Variants in CNIH3 observed in about 807,000 individuals in gnomAD.
The protein encoded by CNIH3 is protein cornichon homolog 3.
CNIH3 carries 14 observed loss-of-function variants against 24.1 expected under a neutral mutation model. The ratio of observed to expected loss-of-function variants is 0.58; its 90% CI spans 0.38 to 0.91. The LOEUF (loss-of-function observed/expected upper bound fraction) is 0.91. CNIH3 is among the 40% of genes least tolerant of loss of function. The probability of loss-of-function intolerance (pLI) is 0.00; values close to 1 mark genes in which losing one functional copy is unlikely to be tolerated. For synonymous variants in CNIH3, 68 were observed against 73.8 expected (o/e 0.92, Z 0.40); for missense variants, 178 against 196.8 (o/e 0.90, Z 0.57).
intron 1 of CNIH3, among the ~76,000 whole-genome samples, chr1:224,478,967 A>C (rs1450507800): frequency 6.6e-6 from 1 of 151,940 alleles, no homozygotes; most frequent in African/African-American, 2.4e-5. Context: ...CATGGGAAAG[A>C]CCTGCCCGCA....
At chr1:224,473,481 A>T (rs888142802) in intron 1 of CNIH3, among the ~76,000 whole-genome samples, 7 of 152,224 alleles carry the variant, frequency 4.6e-5, no homozygotes, top group Non-Finnish European at 1.0e-4. Flanking sequence ...ATGGGAACCT[A>T]AAAAGAGCAA....
intron 1 of CNIH3, among the ~76,000 whole-genome samples, chr1:224,628,254 T>G (rs1683640324): frequency 6.6e-6 from 1 of 152,176 alleles, no homozygotes; most frequent in Non-Finnish European, 1.5e-5. Flanking sequence ...TCTGGCTCCC[T>G]TAACTTAAAA....
At chr1:224,565,773 A>G (rs1375267386) in intron 3 of CNIH3, 2 of 152,296 alleles carry the variant, frequency 1.3e-5, no homozygotes, top group Admixed American at 1.3e-4. Flanking sequence ...TACACCACAT[A>G]TTGCCAACTT....
At chr1:224,583,679 T>C (rs1230232623) in intron 5 of CNIH3, among the ~76,000 whole-genome samples, 1 of 152,114 alleles carries the variant, frequency 6.6e-6, no homozygotes, top group Non-Finnish European at 1.5e-5. Context: ...GCTCCTACCA[T>C]TGGAGACTCT....
At chr1:224,621,509 C>T (rs980173973) in intron 1 of CNIH3, among the ~76,000 whole-genome samples, 4 of 152,236 alleles carry the variant, frequency 2.6e-5, no homozygotes, top group African/African-American at 9.6e-5. Flanking sequence ...TTGGTCTCCA[C>T]TTTCTGTTCT....
chr1:224,650,719 T>G (rs1684820585), intron 1 of CNIH3, among the ~76,000 whole-genome samples: 2 of 152,178 alleles, frequency 1.3e-5, no homozygotes, highest in Non-Finnish European at 2.9e-5. Context: ...CGCGAGGATA[T>G]AGAGGCTTTA....
rs187131599 is a variant in CNIH3 at position 224,634,098 on chromosome 1, C to T, written c.81+16843C>T. The stretch of plus-strand genomic sequence containing the variant: ...TCCCTGCAAGGGGATGACTACCCAC[C>T]GCCCCTTAGGAAAATCTCCACTTCT... On this transcript the variant is annotated intron_variant, in intron 1 of 5. Coordinates refer to ENST00000272133, the MANE Select transcript of CNIH3 (RefSeq NM_152495.2). Among the ~76,000 whole-genome samples the T allele has an allele frequency of 3.0e-4, 45 of 152,298 alleles. 1 individual carries two copies. The highest frequency in any genetic ancestry group is 4.7e-4 in the Non-Finnish European group (32 of 68,022).
intron 1 of CNIH3, chr1:224,436,828 T>G (rs543623352): frequency 6.6e-6 from 1 of 152,414 alleles, no homozygotes; most frequent in African/African-American, 2.4e-5. Context: ...CACCACAGGT[T>G]GCTTTCAGTC....
At chr1:224,715,169 T>A (rs1688362179) in intron 3 of CNIH3, among the ~76,000 whole-genome samples, 1 of 152,134 alleles carries the variant, frequency 6.6e-6, no homozygotes, top group South Asian at 2.1e-4. Context: ...AGGGGGCATT[T>A]TTCATTCTGC....
chr1:224,446,734 T>C (rs1258456401), intron 1 of CNIH3, among the ~76,000 whole-genome samples: 1 of 152,196 alleles, frequency 6.6e-6, no homozygotes, highest in Non-Finnish European at 1.5e-5. Flanking sequence ...GGTGTTTCAT[T>C]ATTTTTAAAG....
chr1:224,448,692 A>G (rs1457123974), intron 1 of CNIH3, among the ~76,000 whole-genome samples: 1 of 152,176 alleles, frequency 6.6e-6, no homozygotes, highest in Non-Finnish European at 1.5e-5. Context: ...CAGATAAATC[A>G]CCAGCACTGC....
intron 4 of CNIH3, chr1:224,575,066 C>T: frequency 1.1e-6 from 1 of 871,934 alleles, no homozygotes; most frequent in South Asian, 1.3e-5. Context: ...TGGTGACTGC[C>T]TACAGCTCCT....
intron 3 of CNIH3, among the ~76,000 whole-genome samples, chr1:224,596,968 C>T (rs191645817): frequency 0.012 from 1,853 of 152,136 alleles, 19 homozygotes; most frequent in Middle Eastern, 0.048. Flanking sequence ...GCCTGGCCAA[C>T]GTGGTGAAAC....
intron 3 of CNIH3, among the ~76,000 whole-genome samples, chr1:224,729,527 G>C (rs1249338379): frequency 1.3e-5 from 2 of 148,462 alleles, no homozygotes; most frequent in Non-Finnish European, 1.5e-5. Flanking sequence ...ACAATACAAA[G>C]TATATTTATA....
chr1:224,517,222 C>G (rs979361159), intron 1 of CNIH3, among the ~76,000 whole-genome samples: 15 of 152,160 alleles, frequency 9.9e-5, no homozygotes, highest in African/African-American at 3.4e-4. Context: ...TGGGGCAGTG[C>G]TGAGCACACC....
intron 1 of CNIH3, among the ~76,000 whole-genome samples, chr1:224,676,498 A>G (rs1686146437): frequency 6.6e-6 from 1 of 152,228 alleles, no homozygotes. Context: ...CATTAAATGT[A>G]AAAATGATTT....
chr1:224,674,533 A>G (rs985196420), intron 1 of CNIH3, among the ~76,000 whole-genome samples: 4 of 152,036 alleles, frequency 2.6e-5, no homozygotes, highest in Non-Finnish European at 5.9e-5. Flanking sequence ...AGGCCCCAGC[A>G]GGACTGACCT....
At chr1:224,641,366 C>A (rs1684353239) in intron 1 of CNIH3, among the ~76,000 whole-genome samples, 1 of 152,226 alleles carries the variant, frequency 6.6e-6, no homozygotes, top group African/African-American at 2.4e-5. Flanking sequence ...CCCCTCCATC[C>A]TTCCCCACCT....
At chr1:224,674,548 G>A (rs1024641955) in intron 1 of CNIH3, among the ~76,000 whole-genome samples, 1 of 151,992 alleles carries the variant, frequency 6.6e-6, no homozygotes, top group Non-Finnish European at 1.5e-5. Flanking sequence ...TGACCTTGCT[G>A]TAGTCCTTGG....
Sources: allele counts gnomAD v4.1 joint callset (sites outside exome capture counted in the v4.1 genomes callset), GRCh38; gene constraint gnomAD v4.1.1; transcripts MANE v1.5; gene names NCBI Gene and HGNC (gene_info 2026-07-23, HGNC 2026-07-21).